Variants in UNC13A observed in about 807,000 individuals in gnomAD.
UNC13A encodes unc-13 homolog A, also known as protein unc-13 homolog A.
A neutral mutation model predicts 219.7 loss-of-function variants in UNC13A; 61 were observed. The ratio of observed to expected loss-of-function variants is 0.28; its 90% CI spans 0.23 to 0.34. The LOEUF is 0.34. UNC13A is among the 10% of genes least tolerant of loss of function. The pLI is 1.00. For missense variants in UNC13A, 1,476 were observed against 2,270.3 expected, an observed-to-expected ratio of 0.65 and a Z score of 7.11; for synonymous variants, 920 against 884.6, an observed-to-expected ratio of 1.04 and a Z score of -0.71.
intron 41 of UNC13A, among the ~76,000 whole-genome samples, chr19:17,612,928 T>C (rs1294782558): frequency 6.6e-6 from 1 of 151,976 alleles, no homozygotes; most frequent in East Asian, 1.9e-4. Context: ...GGTCGGGCAG[T>C]GGTGGCTCAT....
chr19:17,616,509 G>A, intron 41 of UNC13A: 1 of 663,796 alleles, frequency 1.5e-6, no homozygotes, highest in Non-Finnish European at 2.8e-6. Flanking sequence ...TGGGAAGCAT[G>A]GGGAGCGGGG....
At chr19:17,633,078 G>T in intron 27 of UNC13A, 30 bp downstream of exon 27, 1 of 1,613,428 alleles carries the variant, frequency 6.2e-7, no homozygotes, top group South Asian at 1.1e-5. Context: ...GGTGTGGCCA[G>T]GCTGGGGAAC....
At chr19:17,640,688 G>A in intron 21 of UNC13A, 27 bp from the exon 22 acceptor site, 1 of 1,553,610 alleles carries the variant, frequency 6.4e-7, no homozygotes, top group East Asian at 2.3e-5. Context: ...GGAGGCACTA[G>A]GCCAGGGGTC....
chr19:17,629,745 A>G lies in UNC13A; in HGVS notation c.3669+400T>C, dbSNP rs539718786. 9.9e-4 allele frequency among the ~76,000 whole-genome samples: 151 copies of G among 152,020 alleles called. 1 individual carries two copies. The highest frequency in any genetic ancestry group is 2.5e-3 in the South Asian group (12 of 4,798). Reference sequence around the variant, plus strand: ...TGCATCAATCTCAGCACTCACTCCAATCTCAATTCCAAATCAAGACCCAGC... The same window carrying G: ...TGCATCAATCTCAGCACTCACTCCAGTCTCAATTCCAAATCAAGACCCAGC... On this transcript the variant is annotated intron_variant, in intron 30 of 43. Coordinates refer to ENST00000519716, the MANE Select transcript of UNC13A (RefSeq NM_001080421.3).
chr19:17,667,973 T>C, intron 6 of UNC13A, 144 bp downstream of exon 6: 1 of 778,568 alleles, frequency 1.3e-6, no homozygotes. Flanking sequence ...ACATGGGTCA[T>C]GGATGCAGTC....
chr19:17,688,009 G>A (rs1310164490), intron 1 of UNC13A, among the ~76,000 whole-genome samples, 169 bp downstream of exon 1: 1 of 151,260 alleles, frequency 6.6e-6, no homozygotes, highest in East Asian at 2.0e-4. Context: ...CGTCTACACG[G>A]ATCACCCCCT....
At chr19:17,632,229 G>A (rs1253685299) in intron 28 of UNC13A, among the ~76,000 whole-genome samples, 2 of 152,144 alleles carry the variant, frequency 1.3e-5, no homozygotes, top group South Asian at 2.1e-4. Context: ...TATTTTTGTA[G>A]AGCTGGGGTT....
chr19:17,625,472 T>C (rs2076772732), intron 34 of UNC13A, among the ~76,000 whole-genome samples: 1 of 151,972 alleles, frequency 6.6e-6, no homozygotes, highest in Non-Finnish European at 1.5e-5. Flanking sequence ...ACTGATCCAG[T>C]CACCCACCAA....
At chr19:17,651,714 A>G (rs1416813574) in intron 12 of UNC13A, among the ~76,000 whole-genome samples, 1 of 152,104 alleles carries the variant, frequency 6.6e-6, no homozygotes, top group Non-Finnish European at 1.5e-5. Context: ...CATCCTTCAT[A>G]AATCACGTGC....
In UNC13A at chr19:17,681,951, A is replaced by AT. The variant is rs397859270; in HGVS notation, c.23-5911dup. ...TCCATTAATAAAAACATCATCATTG[A>AT]TTTTTTTTTTTTTTTTTTTTTGACG... On this transcript the variant is annotated intron_variant, in intron 1 of 43. Transcript: ENST00000519716. Among the ~76,000 whole-genome samples the AT allele has an allele frequency of 1.4e-4, 18 of 132,958 alleles. No homozygotes were observed. In the East Asian group the frequency reaches 1.8e-3, roughly 13 times the overall value. 87.2% of individuals were successfully genotyped at this position (132,958 alleles called of 152,430 possible).
intron 35 of UNC13A, 41 bp from the exon 36 acceptor site, chr19:17,623,588 A>T: frequency 9.6e-7 from 1 of 1,045,188 alleles, no homozygotes; most frequent in South Asian, 1.7e-5. Flanking sequence ...GGGAGGGGGG[A>T]ATAAGGTACC....
At chr19:17,668,508 A>G (rs1363467725) in intron 5 of UNC13A, among the ~76,000 whole-genome samples, 1 of 152,096 alleles carries the variant, frequency 6.6e-6, no homozygotes, top group Admixed American at 6.6e-5. Context: ...GTTTTTTGAG[A>G]CGGAGTCTCA....
rs2076829156 is a variant in UNC13A at position 17,630,291 on chromosome 19, G to T, written c.3526-3C>A. On this transcript the variant is annotated splice_region_variant and splice_polypyrimidine_tract_variant and intron_variant, in intron 29 of 43. Coordinates refer to ENST00000519716, the MANE Select transcript of UNC13A (RefSeq NM_001080421.3). ...GCATGCTCTGAGGTCTGCTGGAACTGCAGGGGGAAGGAGGCCAAGAGGAAG... is the reference window on the plus strand; with the variant it reads ...GCATGCTCTGAGGTCTGCTGGAACTTCAGGGGGAAGGAGGCCAAGAGGAAG... 1.9e-6 allele frequency: 3 copies of T among 1,561,186 alleles called. No homozygotes were observed. The highest frequency in any genetic ancestry group is 2.6e-6 in the Non-Finnish European group (3 of 1,152,508).
At chr19:17,648,408 C>G in intron 16 of UNC13A, 23 bp downstream of exon 16, 1 of 1,537,774 alleles carries the variant, frequency 6.5e-7, no homozygotes, top group Non-Finnish European at 8.7e-7. Flanking sequence ...ACCCGTGGCC[C>G]TGCGCTCAGG....
intron 1 of UNC13A, among the ~76,000 whole-genome samples, chr19:17,687,886 C>T (rs1568279678): frequency 6.6e-6 from 1 of 152,128 alleles, no homozygotes; most frequent in African/African-American, 2.4e-5. Flanking sequence ...CAGTCTAGAT[C>T]GTTTCCGGGT....
intron 1 of UNC13A, among the ~76,000 whole-genome samples, chr19:17,686,823 G>T (rs1414897265): frequency 6.6e-6 from 1 of 151,552 alleles, no homozygotes; most frequent in Admixed American, 6.6e-5. Context: ...GGCCGAGGGG[G>T]AGGGGAGGGA....
chr19:17,634,903 A>C (rs1297232022), intron 26 of UNC13A, among the ~76,000 whole-genome samples: 3 of 148,242 alleles, frequency 2.0e-5, no homozygotes, highest in African/African-American at 7.5e-5. Flanking sequence ...ACGGAGTCTC[A>C]CTCTGTTGCC....
At chr19:17,632,745 G>A (rs1182255778) in intron 28 of UNC13A, 37 bp downstream of exon 28, 1 of 1,613,102 alleles carries the variant, frequency 6.2e-7, no homozygotes, top group Non-Finnish European at 8.5e-7. Context: ...CAGTGCTACA[G>A]TTCTGGCTTG....
chr19:17,623,719 G>A (rs1251680599), intron 35 of UNC13A, among the ~76,000 whole-genome samples, 172 bp from the exon 36 acceptor site: 3 of 151,918 alleles, frequency 2.0e-5, no homozygotes, highest in Non-Finnish European at 4.4e-5. Context: ...CCCGACCATC[G>A]TCGCCCATCT....
Sources: gnomAD v4.1 joint callset for allele counts (sites outside exome capture counted in the v4.1 genomes callset) on GRCh38, gnomAD v4.1.1 for gene constraint, MANE v1.5 for transcripts, NCBI Gene and HGNC (gene_info 2026-07-23, HGNC 2026-07-21) for gene names.